The following EYS variants were observed in gnomAD, a reference collection of about 807,000 sequenced individuals.
EYS encodes the protein EGF-like photoreceptor maintenance factor.
Under a neutral mutation model 282.1 loss-of-function variants are expected in EYS, and 250 were observed. The observed-to-expected ratio is 0.89, with a 90% CI of 0.80 to 0.98. The LOEUF (loss-of-function observed/expected upper bound fraction) is 0.98. EYS is among the 50% of genes least tolerant of loss of function. The pLI is 0.00. For missense variants in EYS, 4,016 were observed against 3,709.0 expected (o/e 1.08, Z -2.15); for synonymous variants, 1,355 against 1,282.9 (o/e 1.06, Z -1.20).
Position 64,388,746 on chromosome 6 carries a change from G to T in EYS, c.6022C>A (p.Pro2008Thr), listed in dbSNP as rs1051310540. The T allele has an allele frequency of 2.6e-6, 4 of 1,544,838 alleles. No individual in the cohort carries two copies. Among genetic ancestry groups the T allele is most frequent in the Admixed American group, 4.0e-5 (2 of 50,292 alleles). The change falls in exon 29 of 43, where the codon CCA (proline) becomes ACA (threonine). Residue 2008 changes from proline (P) to threonine (T), a missense_variant. By Grantham distance (38) the Pro-to-Thr change is conservative. Transcript: ENST00000503581. The part of the protein sequence containing the change: ...SINHVLGKPL[P>T]KSGSVFIGGF... The stretch of plus-strand genomic sequence containing the variant: ...CCAATGAAGACAGATCCTGATTTTG[G>T]CAGGGGTTTTCCGAGTACATGATTG...
intron 37 of EYS, among the ~76,000 whole-genome samples, chr6:63,805,167 T>A (rs1582224151): frequency 6.6e-6 from 1 of 152,210 alleles, no homozygotes; most frequent in Non-Finnish European, 1.5e-5. Context: ...AATATGTTGA[T>A]CTCACAGATG....
chr6:63,747,027 G>A (rs879021715), intron 41 of EYS, among the ~76,000 whole-genome samples: 2 of 152,060 alleles, frequency 1.3e-5, no homozygotes, highest in African/African-American at 2.4e-5. Context: ...GTGATGTTCG[G>A]GTGATGATTT....
chr6:64,038,530 T>A (rs957688424), intron 33 of EYS, among the ~76,000 whole-genome samples: 3 of 151,812 alleles, frequency 2.0e-5, no homozygotes, highest in Non-Finnish European at 4.4e-5. Context: ...ACATTCCTAA[T>A]TGACTATCAA....
At chr6:64,772,238 C>G (rs941731883) in intron 22 of EYS, among the ~76,000 whole-genome samples, 2 of 151,610 alleles carry the variant, frequency 1.3e-5, no homozygotes, top group African/African-American at 4.8e-5. Flanking sequence ...TATCAGCTGT[C>G]CTGTTTAGCA....
At chr6:63,990,447 G>A (rs1429517704) in intron 34 of EYS, among the ~76,000 whole-genome samples, 1 of 151,742 alleles carries the variant, frequency 6.6e-6, no homozygotes, top group African/African-American at 2.4e-5. Context: ...CCAGCTTCCA[G>A]TTTTGCCTTG....
Position 64,511,585 on chromosome 6 carries a change from A to T in EYS, c.5645-72233T>A, listed in dbSNP as rs575138871. Among the ~76,000 whole-genome samples the T allele has an allele frequency of 5.9e-5, 9 of 152,126 alleles. No homozygotes were observed. In the South Asian group the frequency reaches 1.7e-3, roughly 28 times the overall value. On this transcript the variant is annotated intron_variant, in intron 26 of 42. Coordinates refer to ENST00000503581, the MANE Select transcript of EYS (RefSeq NM_001142800.2). Reference sequence around the variant, plus strand: ...TGTGCCACTGAGTAGAGATGGAAGGATGTACGCAACTCTGCATCCCAGTGA... The same window carrying T: ...TGTGCCACTGAGTAGAGATGGAAGGTTGTACGCAACTCTGCATCCCAGTGA...
intron 22 of EYS, among the ~76,000 whole-genome samples, chr6:64,727,640 G>A (rs1425464761): frequency 6.6e-6 from 1 of 152,192 alleles, no homozygotes; most frequent in Non-Finnish European, 1.5e-5. Flanking sequence ...ATAGTGAAAA[G>A]TAAAGGTGAG....
intron 12 of EYS, among the ~76,000 whole-genome samples, chr6:65,285,912 G>T (rs184622774): frequency 6.2e-4 from 94 of 151,906 alleles, no homozygotes; most frequent in African/African-American, 2.1e-3. Flanking sequence ...TCAGTATTCT[G>T]GAGGGTGACC....
intron 31 of EYS, among the ~76,000 whole-genome samples, chr6:64,106,588 C>A (rs970831648): frequency 2.6e-5 from 4 of 151,374 alleles, no homozygotes; most frequent in African/African-American, 9.7e-5. Flanking sequence ...CTTTTATTTT[C>A]TGCATTTTGA....
intron 28 of EYS, among the ~76,000 whole-genome samples, chr6:64,405,049 G>A (rs534703357): frequency 4.4e-4 from 67 of 152,088 alleles, no homozygotes; most frequent in African/African-American, 1.5e-3. Flanking sequence ...ATACGTAAAC[G>A]TATGCCATGG....
intron 35 of EYS, among the ~76,000 whole-genome samples, chr6:63,975,121 G>T (rs1318116440): frequency 6.7e-6 from 1 of 150,174 alleles, no homozygotes; most frequent in Admixed American, 6.6e-5. Context: ...AAAAAAAAAA[G>T]ATAAACAATA....
chr6:65,519,700 A>ATT (rs1767278409), intron 2 of EYS, among the ~76,000 whole-genome samples: 2 of 36,450 alleles, frequency 5.5e-5, no homozygotes, highest in East Asian at 1.7e-3. Context: ...ATATATATAT[A>ATT]TATATATATT....
At chr6:65,451,145 ATCTAGATTTCTAGATTAATAGAAAG>A (rs2150401736) in intron 5 of EYS, among the ~76,000 whole-genome samples, 1 of 152,064 alleles carries the variant, frequency 6.6e-6, no homozygotes, top group East Asian at 1.9e-4. Context: ...TATTCTATTA[ATCTAGATTTCTAGATTAATAGAAAG>A]ACAATGCATG....
intron 31 of EYS, among the ~76,000 whole-genome samples, chr6:64,220,746 C>T (rs1048175320): frequency 1.3e-5 from 2 of 152,078 alleles, no homozygotes; most frequent in Admixed American, 6.6e-5. Context: ...TATGAGATTC[C>T]ATCTTTATAT....
At chr6:64,383,832 T>A (rs1047485600) in intron 29 of EYS, among the ~76,000 whole-genome samples, 1 of 152,214 alleles carries the variant, frequency 6.6e-6, no homozygotes, top group Non-Finnish European at 1.5e-5. Flanking sequence ...TAATTTTTTC[T>A]AATTATTTTG....
chr6:64,041,205 T>C (rs909794700), intron 33 of EYS, among the ~76,000 whole-genome samples: 1 of 152,068 alleles, frequency 6.6e-6, no homozygotes, highest in Non-Finnish European at 1.5e-5. Flanking sequence ...CCCCCACAGT[T>C]TGGAATCAGT....
intron 35 of EYS, among the ~76,000 whole-genome samples, chr6:63,888,795 G>A (rs938110198): frequency 4.6e-5 from 7 of 152,324 alleles, no homozygotes; most frequent in Admixed American, 6.5e-5. Flanking sequence ...TGAGTTTGAC[G>A]GATTGACAGA....
At chr6:65,177,249 G>A (rs4710514) in intron 12 of EYS, among the ~76,000 whole-genome samples, 2,931 of 151,864 alleles carry the variant, frequency 0.019, 169 homozygotes, top group East Asian at 0.14. Context: ...AGGTTAAAAA[G>A]CAATCACATT....
intron 19 of EYS, among the ~76,000 whole-genome samples, chr6:64,874,673 G>A (rs572769910): frequency 6.6e-6 from 1 of 152,048 alleles, no homozygotes; most frequent in African/African-American, 2.4e-5. Flanking sequence ...TACTATTTGG[G>A]CAATGACTAA....
Sources: gnomAD v4.1 joint callset for allele counts (sites outside exome capture counted in the v4.1 genomes callset) on GRCh38, gnomAD v4.1.1 for gene constraint, MANE v1.5 for transcripts, NCBI Gene and HGNC (gene_info 2026-07-23, HGNC 2026-07-21) for gene names.